Variants in USP54 observed in about 807,000 individuals in gnomAD.
USP54 encodes ubiquitin specific peptidase 54.
USP54 carries 87 observed loss-of-function variants against 170.5 expected under a neutral mutation model. The observed-to-expected ratio is 0.51, with a 90% CI of 0.43 to 0.61. The LOEUF is 0.61. Among genes scored for constraint, USP54 ranks in the 20% least tolerant of loss-of-function variants. The probability of loss-of-function intolerance (pLI) is 0.00; values close to 1 mark genes in which losing one functional copy is unlikely to be tolerated. For synonymous variants in USP54, 655 were observed against 742.8 expected, an observed-to-expected ratio of 0.88 and a Z score of 1.92; for missense variants, 1,786 against 2,047.8, an observed-to-expected ratio of 0.87 and a Z score of 2.47.
At position 73,529,804 on chromosome 10, in the gene USP54, G is replaced by A. The variant is rs1312211107; in HGVS notation, c.1936C>T (p.His646Tyr). ...AGTCGGGGGTGCTGCTCTAAAAGGT[G>A]AGAGCCTGGCCGTGCTGGGCCCCAG... is the stretch of plus-strand genomic sequence containing the variant. ...KRWGPARPGS[H>Y]LLEQHPRLIQ... The change falls in exon 15 of 24, where the codon CAC becomes TAC. Residue 646 changes from histidine to tyrosine, a missense_variant. His to Tyr is a moderately conservative substitution (Grantham distance 83, BLOSUM62 2). Coordinates refer to ENST00000687698, the MANE Select transcript of USP54 (RefSeq NM_001391956.1). The A allele has an allele frequency of 6.2e-7, 1 of 1,613,284 alleles. No individual in the cohort carries two copies. Among genetic ancestry groups the A allele is most frequent in the South Asian group, 1.1e-5 (1 of 90,962 alleles).
Position 73,575,673 on chromosome 10 carries a change from AGCCTG to A in USP54, c.-17-3_-16del. 1 of 1,563,414 alleles carries A rather than the reference AGCCTG, an allele frequency of 6.4e-7. No individual in the cohort carries two copies. Among genetic ancestry groups the A allele is most frequent in the Admixed American group, 1.9e-5 (1 of 52,890 alleles). On this transcript the variant is annotated splice_acceptor_variant and splice_polypyrimidine_tract_variant and 5_prime_UTR_variant and intron_variant, in exon 3 of 24. Transcript: ENST00000687698. LOFTEE classifies it low-confidence loss of function (5UTR_SPLICE). ...TTCCAAGACATTATTGTTCACATTT[AGCCTG>A]AAAAAAAAATGGAGAAGGATTTGTG...
At chr10:73,513,031 G>GA (rs200084934) in intron 20 of USP54, among the ~76,000 whole-genome samples, 10,580 of 140,744 alleles carry the variant, frequency 0.075, 615 homozygotes, top group East Asian at 0.3. Flanking sequence ...TCTCAAAAAT[G>GA]AAAAAAAAAA....
Position 73,541,651 on chromosome 10 carries a change from C to A in USP54, c.660G>T (p.Gly220=). ...GELLQNASTM[G]DLRNCPSNCG... ...AACTCACTGGACAGTTCCGCAGATC[C>A]CCCATGGTGCTGGCATTCTGCAGCA... Residue 220 remains glycine, a synonymous_variant, in exon 8 of 24, where the codon GGG becomes GGT. Coordinates refer to ENST00000687698, the MANE Select transcript of USP54 (RefSeq NM_001391956.1). The A allele has an allele frequency of 6.2e-7, 1 of 1,614,138 alleles. No homozygotes were observed. The highest frequency in any genetic ancestry group is 8.5e-7 in the Non-Finnish European group (1 of 1,180,026).
chr10:73,604,281 A>T (rs1255418914), intron 1 of USP54, among the ~76,000 whole-genome samples: 1 of 152,120 alleles, frequency 6.6e-6, no homozygotes, highest in Non-Finnish European at 1.5e-5. Context: ...ACAAAACAAA[A>T]AAAACAGTGT....
intron 9 of USP54, among the ~76,000 whole-genome samples, 176 bp downstream of exon 9, chr10:73,541,199 G>C (rs1315841195): frequency 1.3e-5 from 2 of 152,088 alleles, no homozygotes; most frequent in Non-Finnish European, 2.9e-5. Flanking sequence ...CCTATAAAAG[G>C]AGGTATATGA....
chr10:73,530,617 C>A, intron 13 of USP54, 87 bp downstream of exon 13: 3 of 1,579,132 alleles, frequency 1.9e-6, no homozygotes, highest in Non-Finnish European at 1.7e-6. Flanking sequence ...GCCCTCTGAA[C>A]AGAAAGGAGA....
At chr10:73,534,545 G>A (rs2064829359) in intron 12 of USP54, 55 bp downstream of exon 12, 4 of 1,567,650 alleles carry the variant, frequency 2.6e-6, no homozygotes, top group Non-Finnish European at 3.5e-6. Flanking sequence ...TTTTTCTTAG[G>A]AGATCTATGC....
At chr10:73,564,054 T>C (rs893268131) in intron 4 of USP54, among the ~76,000 whole-genome samples, 1 of 149,868 alleles carries the variant, frequency 6.7e-6, no homozygotes, top group Admixed American at 6.7e-5. Flanking sequence ...CAGGCTGGAG[T>C]ATAGTGGCAC....
chr10:73,612,941 A>G (rs1300384196), intron 1 of USP54, among the ~76,000 whole-genome samples: 1 of 151,154 alleles, frequency 6.6e-6, no homozygotes, highest in Non-Finnish European at 1.5e-5. Context: ...GAATCACTTG[A>G]GCTCAAGAGT....
intron 1 of USP54, among the ~76,000 whole-genome samples, chr10:73,589,842 T>C (rs555610089): frequency 4.6e-5 from 7 of 152,252 alleles, no homozygotes; most frequent in Non-Finnish European, 1.0e-4. Flanking sequence ...AGATTTCCTC[T>C]GTAGGGGCAG....
intron 20 of USP54, among the ~76,000 whole-genome samples, chr10:73,509,233 G>C (rs193022087): frequency 2.0e-5 from 3 of 151,322 alleles, no homozygotes; most frequent in Admixed American, 2.0e-4. Flanking sequence ...GAGAAAACTG[G>C]AATATTGGCT....
chr10:73,506,994 T>C (rs1461354891), intron 20 of USP54: 1 of 152,046 alleles, frequency 6.6e-6, no homozygotes, highest in Non-Finnish European at 1.5e-5. Flanking sequence ...TGCCCACCTA[T>C]AGAAGAATAA....
rs1028330203 is a variant in USP54, at chr10:73,542,131, G to A, written c.573-393C>T. ...GGTGGTTTTTTTGAGACAGGGTCTCGCTCTGTTACCTGGCTGGAGTGCAGG... is the reference window on the plus strand; with the variant it reads ...GGTGGTTTTTTTGAGACAGGGTCTCACTCTGTTACCTGGCTGGAGTGCAGG... On this transcript the variant is annotated intron_variant, in intron 7 of 23. Coordinates refer to ENST00000687698, the MANE Select transcript of USP54 (RefSeq NM_001391956.1). 1.6e-4 allele frequency among the ~76,000 whole-genome samples: 24 copies of A among 152,208 alleles called. 1 individual carries two copies. The highest frequency in any genetic ancestry group is 4.3e-4 in the African/African-American group (18 of 41,542).
intron 20 of USP54, among the ~76,000 whole-genome samples, chr10:73,510,175 A>C (rs2059970358): frequency 6.6e-6 from 1 of 151,900 alleles, no homozygotes. Context: ...TCTCTACTAA[A>C]AATACAAAAA....
At chr10:73,594,745 G>C (rs1020488263), upstream of USP54, among the ~76,000 whole-genome samples, 6 of 152,002 alleles carry the variant, frequency 3.9e-5, no homozygotes. Flanking sequence ...CTGTTAAACT[G>C]GAGTTCTAGC....
At chr10:73,544,361 C>T (rs981965800) in intron 5 of USP54, among the ~76,000 whole-genome samples, 1 of 152,148 alleles carries the variant, frequency 6.6e-6, no homozygotes, top group Non-Finnish European at 1.5e-5. Context: ...TAGTTCTTCA[C>T]GGTACAGAAG....
chr10:73,585,657 A>G (rs1310374673), intron 1 of USP54, among the ~76,000 whole-genome samples: 2 of 152,266 alleles, frequency 1.3e-5, no homozygotes, highest in Non-Finnish European at 2.9e-5. Context: ...CATCCAAATC[A>G]TATCACTGAA....
At chr10:73,624,674 T>C (rs2081383364) in intron 1 of USP54, 1 of 152,218 alleles carries the variant, frequency 6.6e-6, no homozygotes, top group South Asian at 2.1e-4. Context: ...ATGCCTGACT[T>C]GAAGCCATTG....
chr10:73,572,363 A>C (rs895132453), intron 3 of USP54, among the ~76,000 whole-genome samples: 5 of 152,208 alleles, frequency 3.3e-5, no homozygotes, highest in African/African-American at 1.2e-4. Flanking sequence ...AAACTAAGGA[A>C]ATCTGAATAA....
Sources: allele counts gnomAD v4.1 joint callset (sites outside exome capture counted in the v4.1 genomes callset), GRCh38; gene constraint gnomAD v4.1.1; transcripts MANE v1.5; gene names NCBI Gene and HGNC (gene_info 2026-07-23, HGNC 2026-07-21).